Variants in KANK1 observed in about 807,000 individuals in gnomAD.
KANK1 encodes KN motif and ankyrin repeat domain-containing protein 1.
KANK1 carries 109 observed loss-of-function variants against 106.2 expected under a neutral mutation model. That is an observed-to-expected ratio of 1.03 (90% CI 0.88 to 1.20). The LOEUF is 1.20. Ranked by LOEUF, KANK1 falls within the 50% of genes most tolerant of loss-of-function variation. The pLI is 0.00. For missense variants in KANK1, 2,399 were observed against 1,710.7 expected (o/e 1.40, Z -7.10); for synonymous variants, 873 against 652.2 (o/e 1.34, Z -5.16).
chr9:537,964 C>A (rs545870136), intron 1 of KANK1, among the ~76,000 whole-genome samples: 2 of 152,288 alleles, frequency 1.3e-5, no homozygotes, highest in East Asian at 3.9e-4. Flanking sequence ...TCACTCAACA[C>A]AACAAGTTGC....
At chr9:656,995 T>C (rs1206311195) in intron 1 of KANK1, among the ~76,000 whole-genome samples, 3 of 152,178 alleles carry the variant, frequency 2.0e-5, no homozygotes, top group Non-Finnish European at 4.4e-5. Flanking sequence ...CTAGAACTTT[T>C]CCATTTCACA....
chr9:693,908 A>G (rs1820587697), intron 2 of KANK1: 5 of 772,264 alleles, frequency 6.5e-6, no homozygotes, highest in Non-Finnish European at 7.9e-6. Context: ...TTCAAGCTAG[A>G]AAGAATAACC....
chr9:579,604 A>G lies in KANK1; in HGVS notation c.-84+74850A>G, dbSNP rs572573887. ...CCTAGGGGAGAAGCATCTTCTCAGC[A>G]TAGGTCTCACATCTTTATGTGGTCC... On this transcript the variant is annotated intron_variant, in intron 1 of 11. Coordinates refer to ENST00000382297, the MANE Select transcript of KANK1 (RefSeq NM_015158.5). Among the ~76,000 whole-genome samples, 3 of 152,240 alleles carry G rather than the reference A, an allele frequency of 2.0e-5. No individual in the cohort carries two copies. In the South Asian group the frequency reaches 6.2e-4, roughly 32 times the overall value.
chr9:647,183 T>C (rs1839860143), intron 1 of KANK1, among the ~76,000 whole-genome samples: 1 of 151,062 alleles, frequency 6.6e-6, no homozygotes, highest in Admixed American at 6.6e-5. Flanking sequence ...GCCTTCTGTA[T>C]AAGATAAATT....
intron 1 of KANK1, among the ~76,000 whole-genome samples, chr9:666,821 C>G (rs1844696433): frequency 6.7e-6 from 1 of 149,038 alleles, no homozygotes; most frequent in African/African-American, 2.5e-5. Flanking sequence ...TTTTTAATAT[C>G]TTGCTGAATT....
At chr9:556,073 C>T (rs1368365343) in intron 1 of KANK1, among the ~76,000 whole-genome samples, 1 of 152,148 alleles carries the variant, frequency 6.6e-6, no homozygotes, top group East Asian at 1.9e-4. Context: ...CTTATTTCTT[C>T]TTTCTCTACA....
chr9:716,677 A>G (rs1404146306), intron 3 of KANK1, among the ~76,000 whole-genome samples: 3 of 152,214 alleles, frequency 2.0e-5, no homozygotes, highest in African/African-American at 7.2e-5. Context: ...ACTTTTCAGT[A>G]TGCAAAAAAG....
At chr9:647,258 G>A (rs754320754) in intron 1 of KANK1, among the ~76,000 whole-genome samples, 9 of 131,024 alleles carry the variant, frequency 6.9e-5, no homozygotes, top group Non-Finnish European at 1.1e-4. Flanking sequence ...GATTATTTCT[G>A]TTCTCATTAA....
chr9:591,954 C>T (rs919859635), intron 1 of KANK1, among the ~76,000 whole-genome samples: 8 of 151,682 alleles, frequency 5.3e-5, no homozygotes, highest in Non-Finnish European at 8.8e-5. Context: ...CCACTGTGCC[C>T]AGCCACAATT....
chr9:659,758 C>T (rs1192789724), intron 1 of KANK1, among the ~76,000 whole-genome samples: 2 of 151,656 alleles, frequency 1.3e-5, no homozygotes, highest in Non-Finnish European at 2.9e-5. Flanking sequence ...GGGAAGTCCG[C>T]CCCCATGATC....
chr9:659,477 A>G (rs1165136927), intron 1 of KANK1, among the ~76,000 whole-genome samples: 1 of 152,272 alleles, frequency 6.6e-6, no homozygotes, highest in Non-Finnish European at 1.5e-5. Context: ...AATAATGCTG[A>G]TGCTGCTGTT....
intron 2 of KANK1, chr9:707,092 C>T (rs757390605): frequency 5.3e-4 from 518 of 985,360 alleles, no homozygotes; most frequent in Non-Finnish European, 6.1e-4. Context: ...AAAGCTCAGC[C>T]TATGGCATCC....
intron 1 of KANK1, among the ~76,000 whole-genome samples, chr9:623,594 G>A (rs1031213142): frequency 4.3e-5 from 6 of 138,732 alleles, no homozygotes; most frequent in Non-Finnish European, 7.8e-5. Flanking sequence ...AACAGAGTGA[G>A]ATTGTGTCTC....
intron 11 of KANK1, 115 bp downstream of exon 11, chr9:744,704 T>C: frequency 6.3e-7 from 1 of 1,586,668 alleles, no homozygotes. Flanking sequence ...AAAATGGAAG[T>C]TTTAGTCTGG....
chr9:563,295 G>C (rs902258541), intron 1 of KANK1, among the ~76,000 whole-genome samples: 1 of 151,798 alleles, frequency 6.6e-6, no homozygotes, highest in Non-Finnish European at 1.5e-5. Context: ...TCCCTAATAC[G>C]GCAACTTTGT....
At chr9:661,334 C>G (rs1480124052) in intron 1 of KANK1, among the ~76,000 whole-genome samples, 1 of 151,264 alleles carries the variant, frequency 6.6e-6, no homozygotes, top group African/African-American at 2.4e-5. Flanking sequence ...TCCAAGTGTG[C>G]TCATTGTTCA....
rs779318226 is a variant in KANK1 at position 730,182 on chromosome 9, C to G, written c.2830C>G (p.Pro944Ala). The G allele has an allele frequency of 2.5e-6, 4 of 1,614,066 alleles. No homozygotes were observed. The highest frequency in any genetic ancestry group is 1.1e-5 in the South Asian group (1 of 91,090). ...GCCAATCAGCAGCCTGGATGCCTTC[C>G]CCACTCAGGAAGGTACGCTGTCTCC... Reference protein sequence around the residue: ...GKPISSLDAFPTQEGTLSPVN... With the variant: ...GKPISSLDAFATQEGTLSPVN... Residue 944 changes from proline (P) to alanine (A), a missense_variant, in exon 4 of 12, where the codon CCC (proline) becomes GCC (alanine). Pro to Ala is a conservative substitution (Grantham distance 27). Transcript: ENST00000382297.
rs1834365235 is a variant in KANK1, at chr9:738,368, C to CATA, written c.3418_3420dup (p.Ile1140dup). On this transcript the variant is annotated inframe_insertion, in exon 8 of 12. Coordinates refer to ENST00000382297, the MANE Select transcript of KANK1 (RefSeq NM_015158.5). ...CCATTCCAGCCATGGTGGGGGACTA[C>CATA]ATAGCTGCTTTTGAGGCCATTTCCC... The CATA allele has an allele frequency of 1.9e-6, 3 of 1,614,176 alleles. No homozygotes were observed. Among genetic ancestry groups the CATA allele is most frequent in the Middle Eastern group, 1.6e-4 (1 of 6,062 alleles).
At chr9:736,702 A>C (rs952468962) in intron 7 of KANK1, among the ~76,000 whole-genome samples, 1 of 152,142 alleles carries the variant, frequency 6.6e-6, no homozygotes, top group African/African-American at 2.4e-5. Flanking sequence ...CCTCTCAAAA[A>C]AAAAAAAAAT....
Sources: gnomAD v4.1 joint callset for allele counts (sites outside exome capture counted in the v4.1 genomes callset) on GRCh38, gnomAD v4.1.1 for gene constraint, MANE v1.5 for transcripts, NCBI Gene and HGNC (gene_info 2026-07-23, HGNC 2026-07-21) for gene names.